The following TTPAL variants were observed in gnomAD, a reference collection of about 807,000 sequenced individuals.
TTPAL encodes the protein alpha tocopherol transfer protein like, also known as alpha-tocopherol transfer protein-like.
TTPAL carries 21 observed loss-of-function variants against 28.7 expected under a neutral mutation model. The observed-to-expected ratio is 0.73, with a 90% CI of 0.52 to 1.06. The LOEUF (loss-of-function observed/expected upper bound fraction) is 1.06. TTPAL is among the 50% of genes least tolerant of loss of function. The pLI is 0.00. For missense variants in TTPAL, 345 were observed against 425.5 expected (o/e 0.81, Z 1.67); for synonymous variants, 169 against 171.9 (o/e 0.98, Z 0.13).
In TTPAL at chr20:44,491,095, A is replaced by AT. The variant is rs2064201526; in HGVS notation, c.*1554_*1555insT. The AT allele has an allele frequency of 1.3e-5, 2 of 151,082 alleles. No homozygotes were observed. The highest frequency in any genetic ancestry group is 2.9e-5 in the Non-Finnish European group (2 of 67,824). 9.4% of individuals were successfully genotyped at this position (151,082 alleles called of 1,614,324 possible). The stretch of plus-strand genomic sequence containing the variant: ...TGCCTCAAAAAAAAAAAAAAAAAAA[A>AT]AAAATTTTTTTTTTTTTGGTCTCTG... On this transcript the variant is annotated 3_prime_UTR_variant, in exon 5 of 5. Coordinates refer to ENST00000262605, the MANE Select transcript of TTPAL (RefSeq NM_001039199.3).
In TTPAL at chr20:44,480,353, A is replaced by G. The variant is rs2064092166; in HGVS notation, c.354A>G (p.Pro118=). 1.9e-6 allele frequency: 3 copies of G among 1,614,168 alleles called. No individual in the cohort carries two copies. Among genetic ancestry groups the G allele is most frequent in the Non-Finnish European group, 1.7e-6 (2 of 1,180,032 alleles). ...CCGAAGTCTTCAATAACTTGAAGCC[A>G]TCAGCCTTAAAAGATGTCCTTGCTT... ...SWPEVFNNLK[P]SALKDVLASG... is the part of the protein sequence containing the mutation. The change falls in exon 2 of 5, where the codon CCA becomes CCG. Residue 118 remains proline, a synonymous_variant. Transcript: ENST00000262605. The surrounding 1 kb of genome is among the most constrained non-coding windows in gnomAD (Gnocchi z 4.1).
In TTPAL at chr20:44,489,872, A is replaced by G. The variant is rs537809216; in HGVS notation, c.*331A>G. 1 of 244,796 alleles carries G rather than the reference A, an allele frequency of 4.1e-6. No individual in the cohort carries two copies. The highest frequency in any genetic ancestry group is 7.4e-5 in the South Asian group (1 of 13,570). 15.2% of individuals were successfully genotyped at this position (244,796 alleles called of 1,614,324 possible). ...CTTACACATCTTGGAAGCAAGAACAATCAGGACCAAAGTCACTTTGATCCC... is the reference window on the plus strand; with the variant it reads ...CTTACACATCTTGGAAGCAAGAACAGTCAGGACCAAAGTCACTTTGATCCC... On this transcript the variant is annotated 3_prime_UTR_variant, in exon 5 of 5. Transcript: ENST00000262605.
Position 44,489,476 on chromosome 20 carries a change from A to G in TTPAL, c.964A>G (p.Thr322Ala), listed in dbSNP as rs1171064146. Residue 322 changes from threonine to alanine, a missense_variant, in exon 5 of 5, where the codon ACC becomes GCC. By Grantham distance (58) the Thr-to-Ala change is moderately conservative. Transcript: ENST00000262605. ...LGQTLLPEGL[T>A]SDAQCDDSLR... ...CCAGACGCTGCTGCCCGAGGGCCTG[A>G]CCTCAGATGCACAGTGTGACGACTC... 1.2e-6 allele frequency: 2 copies of G among 1,614,052 alleles called. No individual in the cohort carries two copies. The highest frequency in any genetic ancestry group is 1.1e-5 in the South Asian group (1 of 91,084).
chr20:44,489,153 ATTTCC>A, intron 4 of TTPAL, 105 bp from the exon 5 acceptor site: 2 of 1,259,752 alleles, frequency 1.6e-6, no homozygotes, highest in Non-Finnish European at 2.2e-6. Flanking sequence ...TGCCATTAAC[ATTTCC>A]TTTCTTCATT....
chr20:44,479,355 A>C, intron 1 of TTPAL, among the ~76,000 whole-genome samples: 1 of 151,316 alleles, frequency 6.6e-6, no homozygotes, highest in East Asian at 1.9e-4. Context: ...AGCAGCAGCA[A>C]GCATATTAGA....
chr20:44,485,392 C>T (rs914966311), intron 3 of TTPAL, among the ~76,000 whole-genome samples: 1 of 152,152 alleles, frequency 6.6e-6, no homozygotes, highest in African/African-American at 2.4e-5. Context: ...AAGGCAAAAA[C>T]TATTTTTCCT....
At chr20:44,479,084 CG>C (rs113468661) in intron 1 of TTPAL, among the ~76,000 whole-genome samples, 2 of 152,242 alleles carry the variant, frequency 1.3e-5, no homozygotes, top group African/African-American at 4.8e-5. Flanking sequence ...CCACCGCGCC[CG>C]GCCCCCTAAT....
At position 44,491,515 on chromosome 20, in the gene TTPAL, T is replaced by A. The variant is rs2064205995; in HGVS notation, c.*1974T>A. The A allele has an allele frequency of 6.6e-6, 1 of 152,326 alleles. No homozygotes were observed. Among genetic ancestry groups the A allele is most frequent in the South Asian group, 2.1e-4 (1 of 4,834 alleles). The allele number at this position is 152,326 out of a possible 1,614,324, so 9.4% of individuals were successfully genotyped here. On this transcript the variant is annotated 3_prime_UTR_variant, in exon 5 of 5. Transcript: ENST00000262605. ...TGTTTATCTCTATTGCCTTTTTAAATGTCTGGATAAGTTGTTGGTGGAAAT... is the reference window on the plus strand; with the variant it reads ...TGTTTATCTCTATTGCCTTTTTAAAAGTCTGGATAAGTTGTTGGTGGAAAT...
intron 3 of TTPAL, among the ~76,000 whole-genome samples, chr20:44,485,646 C>A (rs137901747): frequency 4.5e-4 from 69 of 152,182 alleles, no homozygotes; most frequent in African/African-American, 1.6e-3. Context: ...TGGATTCTGG[C>A]TTTGAGCCAA....
chr20:44,491,828 A>G lies in TTPAL; in HGVS notation c.*2287A>G, dbSNP rs548350638. 1 of 152,528 alleles carries G rather than the reference A, an allele frequency of 6.6e-6. No homozygotes were observed. The highest frequency in any genetic ancestry group is 1.9e-4 in the East Asian group (1 of 5,316). The allele number at this position is 152,528 out of a possible 1,614,324, so 9.4% of individuals were successfully genotyped here. On this transcript the variant is annotated 3_prime_UTR_variant, in exon 5 of 5. Coordinates refer to ENST00000262605, the MANE Select transcript of TTPAL (RefSeq NM_001039199.3). Reference sequence around the variant, plus strand: ...AAGACAGATAAACAAAACAAAACAAAAACTGGGTAAAGAGGAATGAATCAC... The same window carrying G: ...AAGACAGATAAACAAAACAAAACAAGAACTGGGTAAAGAGGAATGAATCAC...
chr20:44,475,940 C>A lies in TTPAL; in HGVS notation c.-67C>A, dbSNP rs2064037511. The A allele has an allele frequency of 6.6e-6, 1 of 152,260 alleles. No individual in the cohort carries two copies. The highest frequency in any genetic ancestry group is 2.1e-4 in the South Asian group (1 of 4,832). The allele number at this position is 152,260 out of a possible 1,614,324, so 9.4% of individuals were successfully genotyped here. ...TGCGGGTCGGTTCTGCGTGCGCTGC[C>A]GGACGAGGCTCCCGCCGCCGATTGA... is the stretch of plus-strand genomic sequence containing the variant. On this transcript the variant is annotated 5_prime_UTR_variant, in exon 1 of 5. Coordinates refer to ENST00000262605, the MANE Select transcript of TTPAL (RefSeq NM_001039199.3).
chr20:44,487,003 G>A (rs1043759419), intron 4 of TTPAL, among the ~76,000 whole-genome samples: 1 of 151,674 alleles, frequency 6.6e-6, no homozygotes, highest in Non-Finnish European at 1.5e-5. Context: ...GGTGTGCCTG[G>A]GGCACAGTGG....
intron 4 of TTPAL, among the ~76,000 whole-genome samples, chr20:44,488,140 T>C (rs2064169673): frequency 6.6e-6 from 1 of 152,182 alleles, no homozygotes; most frequent in African/African-American, 2.4e-5. Context: ...GAAATCCAGC[T>C]CCAGATTCCT....
At chr20:44,483,982 G>C (rs2064129378) in intron 2 of TTPAL, among the ~76,000 whole-genome samples, 1 of 152,102 alleles carries the variant, frequency 6.6e-6, no homozygotes, top group South Asian at 2.1e-4. Flanking sequence ...TGTAGACATG[G>C]GGTTTCGCCA....
At position 44,489,588 on chromosome 20, in the gene TTPAL, T is replaced by G. The variant is rs1471442240; in HGVS notation, c.*47T>G. 2 of 1,561,078 alleles carry G rather than the reference T, an allele frequency of 1.3e-6. No individual in the cohort carries two copies. Among genetic ancestry groups the G allele is most frequent in the Non-Finnish European group, 8.7e-7 (1 of 1,151,870 alleles). On this transcript the variant is annotated 3_prime_UTR_variant, in exon 5 of 5. Coordinates refer to ENST00000262605, the MANE Select transcript of TTPAL (RefSeq NM_001039199.3). ...CTTTAATTCTTTTCCTTCTTTTCTT[T>G]GGAGAGGCACAAGGAGAATTTAAGG...
chr20:44,482,246 C>T (rs1009284952), intron 2 of TTPAL, among the ~76,000 whole-genome samples: 1 of 152,068 alleles, frequency 6.6e-6, no homozygotes, highest in East Asian at 1.9e-4. Flanking sequence ...AGATCTTTCA[C>T]GAGAATTTTG....
chr20:44,485,248 T>G lies in TTPAL; in HGVS notation c.639+718T>G, dbSNP rs189315466. ...TTGGTCAGATGCTTCACACCTCATG[T>G]TCTGTGTTTCAGAACATGAGTCACT... On this transcript the variant is annotated intron_variant, in intron 3 of 4. Coordinates refer to ENST00000262605, the MANE Select transcript of TTPAL (RefSeq NM_001039199.3). Among the ~76,000 whole-genome samples, 23 of 152,304 alleles carry G rather than the reference T, an allele frequency of 1.5e-4. No homozygotes were observed. In the East Asian group the frequency reaches 3.9e-3, roughly 26 times the overall value.
chr20:44,486,432 C>T, intron 3 of TTPAL, 164 bp from the exon 4 acceptor site: 1 of 518,308 alleles, frequency 1.9e-6, no homozygotes, highest in East Asian at 3.2e-5. Flanking sequence ...AAGACTTTCC[C>T]TGAGGTCCGT....
chr20:44,484,622 C>G, intron 3 of TTPAL, 92 bp downstream of exon 3: 1 of 911,520 alleles, frequency 1.1e-6, no homozygotes, highest in Non-Finnish European at 1.7e-6. Context: ...GATACACAAA[C>G]TGCACATCCC....
Sources: allele counts gnomAD v4.1 joint callset (sites outside exome capture counted in the v4.1 genomes callset), GRCh38; gene constraint gnomAD v4.1.1; non-coding constraint Gnocchi (gnomAD v3.1); transcripts MANE v1.5; gene names NCBI Gene and HGNC (gene_info 2026-07-23, HGNC 2026-07-21).